ZNF710: variants seen among roughly 807,000 people sequenced by gnomAD.
ZNF710 encodes the protein zinc finger protein 710.
Under a neutral mutation model 50.6 loss-of-function variants are expected in ZNF710, and 13 were observed. That is an observed-to-expected ratio of 0.26 (90% CI 0.17 to 0.41). The LOEUF (loss-of-function observed/expected upper bound fraction) is 0.41, where lower values mean the gene tolerates loss of function less well. Ranked by LOEUF, ZNF710 falls within the 10% of genes least tolerant of loss-of-function variation. The probability of loss-of-function intolerance (pLI) is 1.00; values close to 1 mark genes in which losing one functional copy is unlikely to be tolerated. For missense variants in ZNF710, 721 were observed against 936.6 expected (o/e 0.77, Z 3.01); for synonymous variants, 383 against 397.0 (o/e 0.96, Z 0.42).
At chr15:90,045,355 A>G (rs1349234540) in intron 1 of ZNF710, 1 of 985,454 alleles carries the variant, frequency 1.0e-6, no homozygotes, top group East Asian at 1.1e-4. Context: ...GGCTTCAAGG[A>G]CGTGAGCCAT....
chr15:90,039,552 A>G (rs1211121895), intron 1 of ZNF710, among the ~76,000 whole-genome samples: 1 of 152,206 alleles, frequency 6.6e-6, no homozygotes, highest in Non-Finnish European at 1.5e-5. Context: ...TGAGTGCTCA[A>G]CCGAGTATTG....
intron 1 of ZNF710, among the ~76,000 whole-genome samples, chr15:90,035,589 A>C (rs1418766376): frequency 6.6e-6 from 1 of 152,162 alleles, no homozygotes; most frequent in Non-Finnish European, 1.5e-5. Context: ...ACTTTCCAGC[A>C]CTCACATATC....
chr15:90,012,990 T>C (rs1898355914), intron 1 of ZNF710, among the ~76,000 whole-genome samples: 1 of 152,240 alleles, frequency 6.6e-6, no homozygotes, highest in African/African-American at 2.4e-5. Context: ...AAATCTAATA[T>C]CTAAAGTATT....
At chr15:90,046,251 C>T (rs920160378) in intron 1 of ZNF710, among the ~76,000 whole-genome samples, 3 of 152,206 alleles carry the variant, frequency 2.0e-5, no homozygotes, top group African/African-American at 7.2e-5. Context: ...CCCTGTGTGC[C>T]CTTCCTCCTG....
intron 1 of ZNF710, among the ~76,000 whole-genome samples, chr15:90,047,754 T>C (rs1899514742): frequency 6.6e-6 from 1 of 151,926 alleles, no homozygotes. Flanking sequence ...GGGCTGATTT[T>C]TGTATTTTTT....
In ZNF710 at chr15:90,058,888, A is replaced by G. The variant is rs373933684; in HGVS notation, c.-28-8222A>G. ...CAGAATTCTTTCTCTGGGAAGCCTC[A>G]ATGTTTGCCCTTAAGGCCTTCAACT... On this transcript the variant is annotated intron_variant, in intron 1 of 4. Transcript: ENST00000268154. Among the ~76,000 whole-genome samples the G allele has an allele frequency of 4.6e-5, 7 of 152,186 alleles. No homozygotes were observed. The East Asian group carries it at 1.4e-3, about 29-fold the overall frequency.
chr15:90,017,413 A>C (rs143064255), intron 1 of ZNF710, among the ~76,000 whole-genome samples: 4 of 152,298 alleles, frequency 2.6e-5, no homozygotes, highest in African/African-American at 9.6e-5. Flanking sequence ...CCAGGGGAAG[A>C]ATTTGATGTC....
chr15:90,004,520 A>G (rs754180074), intron 1 of ZNF710, among the ~76,000 whole-genome samples: 5 of 152,182 alleles, frequency 3.3e-5, no homozygotes, highest in Non-Finnish European at 5.9e-5. Context: ...GAAATAAGGA[A>G]TCTGTGAATG....
chr15:90,035,210 G>A (rs1313944512), intron 1 of ZNF710, among the ~76,000 whole-genome samples: 1 of 152,250 alleles, frequency 6.6e-6, no homozygotes, highest in Non-Finnish European at 1.5e-5. Flanking sequence ...TGGCCCTGGG[G>A]CATGGTGTGG....
At chr15:90,077,125 C>T (rs898702612) in intron 4 of ZNF710, among the ~76,000 whole-genome samples, 2 of 151,932 alleles carry the variant, frequency 1.3e-5, no homozygotes, top group Non-Finnish European at 2.9e-5. Context: ...GATCAATGTC[C>T]TTATAAAAAA....
intron 1 of ZNF710, among the ~76,000 whole-genome samples, chr15:90,036,578 G>A (rs540208109): frequency 2.0e-5 from 3 of 152,286 alleles, no homozygotes; most frequent in South Asian, 2.1e-4. Flanking sequence ...CCTACTGGCC[G>A]CAGTGGAAAG....
Position 90,014,041 on chromosome 15 carries a change from A to G in ZNF710, c.-29+12427A>G, listed in dbSNP as rs183770286. On this transcript the variant is annotated intron_variant, in intron 1 of 4. Coordinates refer to ENST00000268154, the MANE Select transcript of ZNF710 (RefSeq NM_198526.4). ...GATATTTATTGATCAAATAGAATTT[A>G]TGGCAAAACCAGTACTTCTCTTCTT... 1.2e-4 allele frequency among the ~76,000 whole-genome samples: 19 copies of G among 152,162 alleles called. No homozygotes were observed. The East Asian group carries it at 1.9e-3, about 15-fold the overall frequency.
At chr15:90,056,115 TAAA>T (rs1293151517) in intron 1 of ZNF710, among the ~76,000 whole-genome samples, 1 of 120,524 alleles carries the variant, frequency 8.3e-6, no homozygotes, top group Admixed American at 9.1e-5. Context: ...GACTCCATCT[TAAA>T]AAAAAAAAAG....
intron 1 of ZNF710, among the ~76,000 whole-genome samples, chr15:90,022,393 C>CA (rs1278542079): frequency 6.6e-6 from 1 of 152,092 alleles, no homozygotes; most frequent in East Asian, 1.9e-4. Context: ...CAAAACAAAA[C>CA]AAAAAGGAGG....
At chr15:90,002,668 T>A (rs1898044370) in intron 1 of ZNF710, 1 of 152,298 alleles carries the variant, frequency 6.6e-6, no homozygotes, top group South Asian at 2.1e-4. Context: ...ACTTGCTAAC[T>A]AGTGCGTATC....
chr15:90,018,027 C>T lies in ZNF710; in HGVS notation c.-29+16413C>T, dbSNP rs573216889. Among the ~76,000 whole-genome samples the T allele has an allele frequency of 3.9e-5, 6 of 152,228 alleles. No homozygotes were observed. In the East Asian group the frequency reaches 9.7e-4, roughly 25 times the overall value. The stretch of plus-strand genomic sequence containing the variant: ...TGAGCGCTCTGGACGTCCTACCCAG[C>T]ATTCTGCTCCATCATCTTCTTGTGT... On this transcript the variant is annotated intron_variant, in intron 1 of 4. Transcript: ENST00000268154.
At chr15:90,016,210 G>A (rs1898451966) in intron 1 of ZNF710, among the ~76,000 whole-genome samples, 1 of 152,078 alleles carries the variant, frequency 6.6e-6, no homozygotes, top group Admixed American at 6.5e-5. Flanking sequence ...GGCGGAGGTG[G>A]GGAAGAAGTC....
At chr15:90,044,741 G>A (rs1899408301) in intron 1 of ZNF710, among the ~76,000 whole-genome samples, 2 of 152,112 alleles carry the variant, frequency 1.3e-5, no homozygotes, top group Non-Finnish European at 2.9e-5. Context: ...TGTCAATCAG[G>A]CATGTGCGTG....
intron 1 of ZNF710, chr15:90,045,264 C>A: frequency 1.1e-6 from 1 of 917,790 alleles, no homozygotes; most frequent in Non-Finnish European, 1.3e-6. Context: ...CCTTGCAAAA[C>A]CTCAGTCACT....
Sources: allele counts gnomAD v4.1 joint callset (sites outside exome capture counted in the v4.1 genomes callset), GRCh38; gene constraint gnomAD v4.1.1; transcripts MANE v1.5; gene names NCBI Gene and HGNC (gene_info 2026-07-23, HGNC 2026-07-21).